Variants in SYN3 observed in about 807,000 individuals in gnomAD.
SYN3 encodes the protein synapsin-3.
In SYN3, 35 loss-of-function variants were observed where a neutral mutation model predicts 65.8. That is an observed-to-expected ratio of 0.53 (90% CI 0.41 to 0.70). SYN3 has a LOEUF of 0.70. Ranked by LOEUF, SYN3 falls within the 30% of genes least tolerant of loss-of-function variation. The pLI, the probability that SYN3 is intolerant of heterozygous loss-of-function variation, is 0.00. For synonymous variants in SYN3, 270 were observed against 292.9 expected (o/e 0.92, Z 0.80); for missense variants, 680 against 749.0 (o/e 0.91, Z 1.08).
chr22:32,822,221 C>T (rs961466895), intron 6 of SYN3, among the ~76,000 whole-genome samples: 30 of 152,022 alleles, frequency 2.0e-4, no homozygotes, highest in Admixed American at 1.6e-3. Context: ...TCCCCATCTC[C>T]GAGGCTGGCT....
At chr22:32,753,163 T>C (rs1304932307) in intron 6 of SYN3, among the ~76,000 whole-genome samples, 1 of 151,710 alleles carries the variant, frequency 6.6e-6, no homozygotes, top group Non-Finnish European at 1.5e-5. Flanking sequence ...AGCTCTCCTT[T>C]CCCCCCAGAA....
At chr22:32,529,170 C>G (rs1400042546) in intron 10 of SYN3, 162 bp from the exon 11 acceptor site, 1 of 810,620 alleles carries the variant, frequency 1.2e-6, no homozygotes, top group Non-Finnish European at 2.0e-6. Context: ...CCGGCAGCGA[C>G]ATCAGTTCCC....
intron 6 of SYN3, among the ~76,000 whole-genome samples, chr22:32,671,415 A>G (rs2060360800): frequency 6.6e-6 from 1 of 151,928 alleles, no homozygotes; most frequent in Non-Finnish European, 1.5e-5. Flanking sequence ...CATCTCACAT[A>G]CATACTCACA....
intron 6 of SYN3, among the ~76,000 whole-genome samples, chr22:32,847,189 T>A (rs1486618009): frequency 2.0e-5 from 3 of 152,212 alleles, no homozygotes; most frequent in African/African-American, 2.4e-5. Context: ...CTGGCAGACA[T>A]GCCTCTGCAC....
intron 4 of SYN3, among the ~76,000 whole-genome samples, chr22:32,920,084 T>C (rs1234324629): frequency 6.6e-6 from 1 of 152,208 alleles, no homozygotes; most frequent in Non-Finnish European, 1.5e-5. Context: ...TACTGATGCT[T>C]CCTGGCTCCT....
At chr22:32,706,180 T>A (rs2060878606) in intron 6 of SYN3, among the ~76,000 whole-genome samples, 2 of 152,222 alleles carry the variant, frequency 1.3e-5, no homozygotes. Context: ...CCATTCAGAA[T>A]GATGTTGGCT....
chr22:33,052,413 C>T (rs2054183762), intron 1 of SYN3, among the ~76,000 whole-genome samples: 1 of 152,118 alleles, frequency 6.6e-6, no homozygotes, highest in South Asian at 2.1e-4. Flanking sequence ...CTTCTTTCTC[C>T]TCCTCCTCCT....
At chr22:32,692,385 G>C in intron 6 of SYN3, among the ~76,000 whole-genome samples, 1 of 152,194 alleles carries the variant, frequency 6.6e-6, no homozygotes, top group East Asian at 1.9e-4. Flanking sequence ...CTGGAGCTCA[G>C]AGGATGGCCA....
At chr22:32,814,339 G>GAAAGGAAGAAAGAAAGAA (rs369652077) in intron 6 of SYN3, among the ~76,000 whole-genome samples, 1 of 10,350 alleles carries the variant, frequency 9.7e-5, no homozygotes, top group Admixed American at 1.4e-3. Context: ...AAGAAAGAAA[G>GAAAGGAAGAAAGAAAGAA]AGAAAGAAAG....
At chr22:32,680,950 C>T (rs1388712879) in intron 6 of SYN3, among the ~76,000 whole-genome samples, 7 of 152,200 alleles carry the variant, frequency 4.6e-5, no homozygotes, top group Admixed American at 2.6e-4. Flanking sequence ...GATGTGATTC[C>T]TCCCCTTCTC....
At chr22:32,690,528 A>G (rs1289102334) in intron 6 of SYN3, among the ~76,000 whole-genome samples, 1 of 152,042 alleles carries the variant, frequency 6.6e-6, no homozygotes, top group African/African-American at 2.4e-5. Context: ...GGATGGGGTC[A>G]CTCTCATGGG....
chr22:32,702,504 G>A (rs1380075923), intron 6 of SYN3, among the ~76,000 whole-genome samples: 1 of 152,092 alleles, frequency 6.6e-6, no homozygotes, highest in East Asian at 1.9e-4. Flanking sequence ...CTAAATTAAG[G>A]TAGTTATTTT....
intron 6 of SYN3, among the ~76,000 whole-genome samples, chr22:32,634,949 G>C (rs1370401601): frequency 7.3e-6 from 1 of 137,682 alleles, no homozygotes; most frequent in African/African-American, 3.3e-5. Context: ...TTTTTTTTTA[G>C]CTCATCAGCT....
At chr22:32,983,656 C>T (rs1005105465) in intron 2 of SYN3, among the ~76,000 whole-genome samples, 2 of 152,012 alleles carry the variant, frequency 1.3e-5, no homozygotes, top group Non-Finnish European at 2.9e-5. Context: ...AATAAATACC[C>T]ATGTGGACAG....
At chr22:32,878,795 G>A (rs1201497522) in intron 4 of SYN3, among the ~76,000 whole-genome samples, 2 of 152,128 alleles carry the variant, frequency 1.3e-5, no homozygotes, top group African/African-American at 4.8e-5. Flanking sequence ...CTAAGACAAA[G>A]GGCAGCTAAT....
At chr22:32,676,133 C>G (rs1468576104) in intron 6 of SYN3, among the ~76,000 whole-genome samples, 1 of 152,234 alleles carries the variant, frequency 6.6e-6, no homozygotes, top group African/African-American at 2.4e-5. Flanking sequence ...CCTCCCAGCC[C>G]CTGCCCTTGA....
intron 2 of SYN3, among the ~76,000 whole-genome samples, chr22:32,993,579 T>C (rs1290958309): frequency 1.3e-5 from 2 of 152,180 alleles, no homozygotes; most frequent in Non-Finnish European, 2.9e-5. Context: ...CTCCTAACTT[T>C]GTGATTCACC....
chr22:32,508,318 C>T lies in SYN3; in HGVS notation c.*5374G>A, dbSNP rs998848968. ...ACCTTGTGACCCCCGCCCCTGCCCACCAGAGAACAACCCCCTTTGCATGTA... is the reference window on the plus strand; with the variant it reads ...ACCTTGTGACCCCCGCCCCTGCCCATCAGAGAACAACCCCCTTTGCATGTA... On this transcript the variant is annotated 3_prime_UTR_variant, in exon 14 of 14. Transcript: ENST00000358763. 2.0e-5 allele frequency among the ~76,000 whole-genome samples: 3 copies of T among 152,174 alleles called. No individual in the cohort carries two copies. Among genetic ancestry groups the T allele is most frequent in the Non-Finnish European group, 4.4e-5 (3 of 68,042 alleles).
intron 5 of SYN3, among the ~76,000 whole-genome samples, chr22:32,867,870 C>T (rs759264613): frequency 1.3e-5 from 2 of 152,092 alleles, no homozygotes; most frequent in Admixed American, 6.5e-5. Flanking sequence ...CGTGAGCCAC[C>T]GTGTCTGGCG....
Sources: allele counts gnomAD v4.1 joint callset (sites outside exome capture counted in the v4.1 genomes callset), GRCh38; gene constraint gnomAD v4.1.1; transcripts MANE v1.5; gene names NCBI Gene and HGNC (gene_info 2026-07-23, HGNC 2026-07-21).